The following DUSP22 variants were observed in gnomAD, a reference collection of about 807,000 sequenced individuals.
DUSP22 encodes the protein dual specificity protein phosphatase 22.
In DUSP22, 24 loss-of-function variants were observed where a neutral mutation model predicts 24.5. The observed-to-expected ratio is 0.98, with a 90% CI of 0.71 to 1.38. DUSP22 has a LOEUF of 1.38. DUSP22 is among the 40% of genes most tolerant of loss of function. DUSP22 has a pLI of 0.00. For synonymous variants in DUSP22, 160 were observed against 106.4 expected (o/e 1.50, Z -3.10); for missense variants, 330 against 269.2 (o/e 1.23, Z -1.58).
At chr6:314,773 G>A (rs1758267417) in intron 3 of DUSP22, among the ~76,000 whole-genome samples, 1 of 152,302 alleles carries the variant, frequency 6.6e-6, no homozygotes, top group Non-Finnish European at 1.5e-5. Flanking sequence ...CATGGAACAT[G>A]TCCTGTGAAA....
intron 3 of DUSP22, among the ~76,000 whole-genome samples, chr6:334,121 C>T (rs1759262049): frequency 6.6e-6 from 1 of 152,306 alleles, no homozygotes; most frequent in South Asian, 2.1e-4. Flanking sequence ...CTTCTGAGAA[C>T]CTGAGGTTGT....
chr6:314,726 G>A (rs553358748), intron 3 of DUSP22, among the ~76,000 whole-genome samples: 12 of 152,418 alleles, frequency 7.9e-5, no homozygotes, highest in African/African-American at 2.9e-4. Context: ...GACATTGTAT[G>A]TGCTTGCTTA....
At position 350,866 on chromosome 6, in the gene DUSP22, T is replaced by C; in HGVS notation, c.*1915T>C. The C allele has an allele frequency of 1.2e-6, 2 of 1,614,260 alleles. No homozygotes were observed. The highest frequency in any genetic ancestry group is 1.7e-6 in the Non-Finnish European group (2 of 1,180,024). On this transcript the variant is annotated 3_prime_UTR_variant, in exon 7 of 7. Transcript: ENST00000419235. The stretch of plus-strand genomic sequence containing the variant: ...GTTCTGGGCCTTTCTCAGAAGACTG[T>C]AATGTACCTGAAGTTTCTGAAATAT...
chr6:298,952 T>TGA (rs1321227030), intron 1 of DUSP22, among the ~76,000 whole-genome samples: 9 of 152,292 alleles, frequency 5.9e-5, no homozygotes, highest in African/African-American at 9.6e-5. Flanking sequence ...CAAGGCGATA[T>TGA]GAGAGAGAGA....
intron 3 of DUSP22, among the ~76,000 whole-genome samples, chr6:334,616 G>A (rs571987525): frequency 3.9e-5 from 6 of 152,412 alleles, no homozygotes; most frequent in African/African-American, 1.2e-4. Flanking sequence ...GGTAAAGCTC[G>A]TATTGGTGCG....
intron 2 of DUSP22, among the ~76,000 whole-genome samples, chr6:310,518 A>G (rs1349243998): frequency 6.6e-6 from 1 of 152,278 alleles, no homozygotes; most frequent in Non-Finnish European, 1.5e-5. Context: ...GCTGATAGAC[A>G]GTTCTGTTTG....
intron 3 of DUSP22, among the ~76,000 whole-genome samples, chr6:322,158 T>C (rs867198045): frequency 2.6e-5 from 4 of 152,118 alleles, no homozygotes; most frequent in South Asian, 2.1e-4. Flanking sequence ...TGTATACATA[T>C]CATCTACATA....
chr6:294,025 G>A (rs547683296), intron 1 of DUSP22, among the ~76,000 whole-genome samples: 167 of 152,278 alleles, frequency 1.1e-3, no homozygotes, highest in African/African-American at 3.8e-3. Context: ...GCTGTTTCTA[G>A]TTTTCCCACT....
At chr6:300,820 GTGGTTACCT>G in intron 1 of DUSP22, among the ~76,000 whole-genome samples, 1 of 152,324 alleles carries the variant, frequency 6.6e-6, no homozygotes, top group Non-Finnish European at 1.5e-5. Context: ...GCATCCAAAT[GTGGTTACCT>G]TAGGTAGAAC....
In DUSP22 at chr6:349,259, G is replaced by T. The variant is rs1014302722; in HGVS notation, c.*308G>T. On this transcript the variant is annotated 3_prime_UTR_variant, in exon 7 of 7. Coordinates refer to ENST00000419235, the MANE Select transcript of DUSP22 (RefSeq NM_001286555.3). The stretch of plus-strand genomic sequence containing the variant: ...GGTGACTAAGTGGATGCATGTGTGT[G>T]CCTGTGTGAGTGAGGGTATGTGCAC... 7.5e-6 allele frequency: 10 copies of T among 1,334,542 alleles called. No individual in the cohort carries two copies. Among genetic ancestry groups the T allele is most frequent in the Non-Finnish European group, 9.6e-6 (10 of 1,038,354 alleles). The allele number at this position is 1,334,542 out of a possible 1,614,324, so 82.7% of individuals were successfully genotyped here.
chr6:335,764 G>C (rs914077077), intron 4 of DUSP22, among the ~76,000 whole-genome samples: 4 of 152,306 alleles, frequency 2.6e-5, no homozygotes, highest in Admixed American at 1.3e-4. Context: ...GTTCAGACCA[G>C]CTGTGTTTCC....
intron 4 of DUSP22, among the ~76,000 whole-genome samples, chr6:344,581 C>T (rs60573705): frequency 0.03 from 4,460 of 151,064 alleles, 4 homozygotes; most frequent in East Asian, 0.1. Context: ...TGTGCCACCG[C>T]GTTCAGTCCA....
At chr6:336,749 A>T (rs1051261659) in intron 4 of DUSP22, among the ~76,000 whole-genome samples, 2 of 152,302 alleles carry the variant, frequency 1.3e-5, no homozygotes, top group Non-Finnish European at 2.9e-5. Context: ...TCCTAGGAAA[A>T]CAGAGTAGCA....
intron 3 of DUSP22, among the ~76,000 whole-genome samples, chr6:334,174 G>A (rs1759263780): frequency 6.6e-6 from 1 of 152,304 alleles, no homozygotes; most frequent in Non-Finnish European, 1.5e-5. Flanking sequence ...CTCCAAGGTT[G>A]GCTACTTCTC....
intron 2 of DUSP22, among the ~76,000 whole-genome samples, chr6:309,679 A>AACAGAC (rs1554099005): frequency 1.2e-4 from 16 of 138,562 alleles, no homozygotes; most frequent in African/African-American, 3.9e-4. Flanking sequence ...ACTCATGTAG[A>AACAGAC]ACACACACAC....
At chr6:331,008 C>A (rs1258871606) in intron 3 of DUSP22, among the ~76,000 whole-genome samples, 1 of 152,312 alleles carries the variant, frequency 6.6e-6, no homozygotes, top group Non-Finnish European at 1.5e-5. Flanking sequence ...TCCTGGTACT[C>A]ACTTCGTCAT....
intron 1 of DUSP22, among the ~76,000 whole-genome samples, chr6:296,469 A>C (rs901844549): frequency 6.6e-6 from 1 of 152,306 alleles, no homozygotes; most frequent in Non-Finnish European, 1.5e-5. Context: ...CACGCTGCTA[A>C]GATATTAGTC....
chr6:296,257 T>A (rs1111362), intron 1 of DUSP22, among the ~76,000 whole-genome samples: 3 of 151,962 alleles, frequency 2.0e-5, no homozygotes, highest in Admixed American at 2.0e-4. Context: ...AAATTATAAT[T>A]GCCAATGAGT....
At chr6:318,242 T>G (rs1414355293) in intron 3 of DUSP22, among the ~76,000 whole-genome samples, 3 of 152,306 alleles carry the variant, frequency 2.0e-5, no homozygotes, top group African/African-American at 4.8e-5. Flanking sequence ...AAGAGGACCA[T>G]GCATCCAAGA....
Sources: gnomAD v4.1 joint callset for allele counts (sites outside exome capture counted in the v4.1 genomes callset) on GRCh38, gnomAD v4.1.1 for gene constraint, MANE v1.5 for transcripts, NCBI Gene and HGNC (gene_info 2026-07-23, HGNC 2026-07-21) for gene names.